The following FBXO11 variants were observed in gnomAD, a reference collection of about 807,000 sequenced individuals.
FBXO11 encodes F-box only protein 11.
FBXO11 carries 13 observed loss-of-function variants against 117.0 expected under a neutral mutation model. The ratio of observed to expected loss-of-function variants is 0.11; its 90% CI spans 0.07 to 0.18. The LOEUF is 0.18. Ranked by LOEUF, FBXO11 falls within the 10% of genes least tolerant of loss-of-function variation. The pLI is 1.00. For missense variants in FBXO11, 767 were observed against 1,164.4 expected (o/e 0.66, Z 4.97); for synonymous variants, 490 against 380.5 (o/e 1.29, Z -3.35).
intron 1 of FBXO11, among the ~76,000 whole-genome samples, chr2:47,893,678 G>A (rs559090826): frequency 9.1e-4 from 139 of 152,256 alleles, no homozygotes; most frequent in African/African-American, 3.1e-3. Context: ...TTCAAACCTT[G>A]CTGATTTATA....
At chr2:47,832,230 G>C (rs1672249388) in intron 11 of FBXO11, 119 bp downstream of exon 11, 1 of 726,400 alleles carries the variant, frequency 1.4e-6, no homozygotes, top group East Asian at 2.8e-5. Context: ...TGCTGAAATT[G>C]CTTTTAAACC....
At chr2:47,846,774 G>A (rs1321805202) in intron 1 of FBXO11, among the ~76,000 whole-genome samples, 1 of 152,006 alleles carries the variant, frequency 6.6e-6, no homozygotes, top group African/African-American at 2.4e-5. Flanking sequence ...AATTATTACT[G>A]AGATAATTTA....
intron 13 of FBXO11, 117 bp from the exon 14 acceptor site, chr2:47,820,573 A>T: frequency 1.4e-6 from 1 of 695,394 alleles, no homozygotes; most frequent in Non-Finnish European, 2.4e-6. Context: ...CCATTACAAG[A>T]CAAAATTAAG....
chr2:47,905,523 C>T lies in FBXO11; in HGVS notation c.198G>A (p.Pro66=), dbSNP rs1312149348. 8.1e-7 allele frequency: 1 copy of T among 1,232,928 alleles called. No homozygotes were observed. Among genetic ancestry groups the T allele is most frequent in the Non-Finnish European group, 1.0e-6 (1 of 990,586 alleles). The allele number at this position is 1,232,928 out of a possible 1,614,324, so 76.4% of individuals were successfully genotyped here. A position where few individuals can be genotyped will look rare whatever the true frequency, so the allele number is the denominator to read the frequency against. Residue 66 remains proline, a synonymous_variant, in exon 1 of 23, where the codon CCG becomes CCA. Coordinates refer to ENST00000403359, the MANE Select transcript of FBXO11 (RefSeq NM_001190274.2). ...QPPPPPPPPP[P]LPQERNNVGE... is the part of the protein sequence containing the mutation. The stretch of plus-strand genomic sequence containing the variant: ...CGACGTTGTTCCGCTCCTGAGGCAG[C>T]GGCGGAGGCGGCGGTGGCGGCGGCG...
chr2:47,814,339 A>G (rs1350264170), intron 16 of FBXO11: 1 of 153,384 alleles, frequency 6.5e-6, no homozygotes, highest in African/African-American at 2.4e-5. Context: ...TATCGCTAAA[A>G]AAATGCTCAT....
chr2:47,870,597 C>G (rs1675552677), intron 1 of FBXO11, among the ~76,000 whole-genome samples: 1 of 152,150 alleles, frequency 6.6e-6, no homozygotes, highest in African/African-American at 2.4e-5. Flanking sequence ...ACAGCTACTA[C>G]CATAATCTAC....
intron 1 of FBXO11, among the ~76,000 whole-genome samples, chr2:47,858,022 G>A (rs552930432): frequency 1.3e-5 from 2 of 152,160 alleles, no homozygotes; most frequent in East Asian, 1.9e-4. Context: ...AGCAGATGGC[G>A]CCAAAATATC....
chr2:47,878,317 T>C (rs17395895), intron 1 of FBXO11, among the ~76,000 whole-genome samples: 2,107 of 152,204 alleles, frequency 0.014, 44 homozygotes, highest in Admixed American at 0.064. Context: ...TTTTGATAGA[T>C]TCATGTATTT....
chr2:47,866,075 G>C (rs1675169673), intron 1 of FBXO11, among the ~76,000 whole-genome samples: 1 of 151,664 alleles, frequency 6.6e-6, no homozygotes, highest in South Asian at 2.1e-4. Flanking sequence ...AACATAGCAA[G>C]ACTCCCATCT....
At chr2:47,905,350 G>A (rs892183345) in intron 1 of FBXO11, 139 bp downstream of exon 1, 57 of 908,640 alleles carry the variant, frequency 6.3e-5, no homozygotes, top group African/African-American at 1.1e-4. Flanking sequence ...CGGCACCGGG[G>A]GACCCGCCTC....
Position 47,905,611 on chromosome 2 carries a change from T to A in FBXO11, c.110A>T (p.Gln37Leu), listed in dbSNP as rs1233512223. ...PPQQPPPQPP[Q>L]QQPPQQQPPP... Reference sequence around the variant, plus strand: ...AGGCTGCTGCTGGGGCGGCTGCTGCTGGGGCGGCTGCGGCGGCGGCTGCTG... The same window carrying A: ...AGGCTGCTGCTGGGGCGGCTGCTGCAGGGGCGGCTGCGGCGGCGGCTGCTG... The change falls in exon 1 of 23, where the codon CAG (glutamine) becomes CTG (leucine). Residue 37 changes from glutamine to leucine, a missense_variant. Gln to Leu is a moderately radical substitution (Grantham distance 113). Transcript: ENST00000403359. 18 of 1,356,186 alleles carry A rather than the reference T, an allele frequency of 1.3e-5. No homozygotes were observed. The highest frequency in any genetic ancestry group is 1.6e-5 in the Non-Finnish European group (17 of 1,051,824). The allele number at this position is 1,356,186 out of a possible 1,614,324, so 84.0% of individuals were successfully genotyped here.
At chr2:47,880,188 G>C (rs1030960685) in intron 1 of FBXO11, among the ~76,000 whole-genome samples, 5 of 152,006 alleles carry the variant, frequency 3.3e-5, no homozygotes, top group Non-Finnish European at 7.4e-5. Context: ...GGTAGAGTCA[G>C]GGTTTTGTCA....
chr2:47,902,929 A>C (rs539095643), intron 1 of FBXO11, among the ~76,000 whole-genome samples: 6 of 151,932 alleles, frequency 3.9e-5, no homozygotes, highest in Admixed American at 1.3e-4. Context: ...TAAAAAAAAA[A>C]AAACAAAAAC....
At chr2:47,822,114 G>A (rs902426040) in intron 13 of FBXO11, 104 bp downstream of exon 13, 7 of 767,620 alleles carry the variant, frequency 9.1e-6, no homozygotes, top group Admixed American at 2.8e-5. Context: ...TAAAGAGCTG[G>A]ATCAGTGCTT....
intron 1 of FBXO11, chr2:47,883,456 T>C (rs935940285): frequency 5.5e-5 from 22 of 403,112 alleles, no homozygotes; most frequent in South Asian, 9.7e-5. Context: ...GCCACCAAAA[T>C]GCAGATTTTT....
intron 11 of FBXO11, among the ~76,000 whole-genome samples, chr2:47,829,912 A>G (rs1003960012): frequency 6.6e-6 from 1 of 152,218 alleles, no homozygotes; most frequent in Non-Finnish European, 1.5e-5. Context: ...TATTCTCTCT[A>G]CTTCAGTGTA....
chr2:47,851,883 G>C (rs905922590), intron 1 of FBXO11, among the ~76,000 whole-genome samples: 1 of 152,002 alleles, frequency 6.6e-6, no homozygotes, highest in African/African-American at 2.4e-5. Context: ...TTTCCTTTGT[G>C]AATTCACACA....
chr2:47,828,914 G>C (rs1671970710), intron 11 of FBXO11, among the ~76,000 whole-genome samples: 1 of 152,130 alleles, frequency 6.6e-6, no homozygotes. Flanking sequence ...AATATGCCAT[G>C]AATTTTTTTA....
In FBXO11 at chr2:47,905,980, C is replaced by A; in HGVS notation, c.-260G>T. On this transcript the variant is annotated 5_prime_UTR_variant, in exon 1 of 23. Transcript: ENST00000403359. ...GGAAGGCCGAAGCCGCCGGGCGGGG[C>A]GGCCGCGAGGGACGAAGGCAGAAAG... is the stretch of plus-strand genomic sequence containing the variant. The A allele has an allele frequency of 4.9e-6, 2 of 409,218 alleles. No individual in the cohort carries two copies. The highest frequency in any genetic ancestry group is 4.2e-5 in the South Asian group (1 of 23,670). The allele number at this position is 409,218 out of a possible 1,614,324, so 25.3% of individuals were successfully genotyped here.
Sources: allele counts gnomAD v4.1 joint callset (sites outside exome capture counted in the v4.1 genomes callset), GRCh38; gene constraint gnomAD v4.1.1; transcripts MANE v1.5; gene names NCBI Gene and HGNC (gene_info 2026-07-23, HGNC 2026-07-21).